The following SIPA1L2 variants were observed in gnomAD, a reference collection of about 807,000 sequenced individuals.
SIPA1L2 encodes signal-induced proliferation-associated 1-like protein 2.
Under a neutral mutation model 163.9 loss-of-function variants are expected in SIPA1L2, and 56 were observed. That is an observed-to-expected ratio of 0.34 (90% CI 0.28 to 0.43). SIPA1L2 has a LOEUF of 0.43. Among genes scored for constraint, SIPA1L2 ranks in the 20% least tolerant of loss-of-function variants. The probability of loss-of-function intolerance (pLI) is 1.00; values close to 1 mark genes in which losing one functional copy is unlikely to be tolerated. For synonymous variants in SIPA1L2, 877 were observed against 865.7 expected (o/e 1.01, Z -0.23); for missense variants, 1,974 against 2,193.5 (o/e 0.90, Z 2.00).
At chr1:232,572,869 C>T (rs1057233379) in intron 2 of SIPA1L2, among the ~76,000 whole-genome samples, 3 of 151,512 alleles carry the variant, frequency 2.0e-5, no homozygotes, top group African/African-American at 7.3e-5. Context: ...ACCTCCGCCT[C>T]CCAGGTTCAA....
At chr1:232,449,705 G>A (rs1663453845) in intron 10 of SIPA1L2, among the ~76,000 whole-genome samples, 1 of 148,014 alleles carries the variant, frequency 6.8e-6, no homozygotes, top group South Asian at 2.2e-4. Flanking sequence ...AGAGTACCGA[G>A]CCCAATGAAT....
chr1:232,481,323 AG>A (rs1665343778), intron 6 of SIPA1L2, among the ~76,000 whole-genome samples: 1 of 152,174 alleles, frequency 6.6e-6, no homozygotes, highest in African/African-American at 2.4e-5. Flanking sequence ...ACAAAACCAA[AG>A]GCTGGATGAT....
At chr1:232,613,773 A>C (rs1662370035) in intron 1 of SIPA1L2, among the ~76,000 whole-genome samples, 1 of 152,218 alleles carries the variant, frequency 6.6e-6, no homozygotes, top group African/African-American at 2.4e-5. Context: ...CAATTTAGGG[A>C]GCACAGAATA....
chr1:232,450,456 C>T (rs1406356245), intron 10 of SIPA1L2, among the ~76,000 whole-genome samples: 1 of 152,186 alleles, frequency 6.6e-6, no homozygotes, highest in African/African-American at 2.4e-5. Flanking sequence ...AGAAAACCTA[C>T]TTTTGTCTTC....
intron 5 of SIPA1L2, among the ~76,000 whole-genome samples, chr1:232,485,306 A>G (rs1019366004): frequency 5.3e-5 from 8 of 152,222 alleles, no homozygotes; most frequent in African/African-American, 1.2e-4. Context: ...GAGATCCCCA[A>G]CTGCATAGCG....
chr1:232,472,258 C>T (rs1486949080), intron 7 of SIPA1L2, among the ~76,000 whole-genome samples: 2 of 152,124 alleles, frequency 1.3e-5, no homozygotes, highest in Non-Finnish European at 2.9e-5. Flanking sequence ...TCTGTAGATC[C>T]CATTTCATCT....
intron 2 of SIPA1L2, among the ~76,000 whole-genome samples, chr1:232,571,202 A>C (rs1309583091): frequency 6.6e-6 from 1 of 152,234 alleles, no homozygotes; most frequent in African/African-American, 2.4e-5. Flanking sequence ...ATAAGCATGT[A>C]AACCTAACCT....
At chr1:232,602,478 A>C (rs913195923) in intron 1 of SIPA1L2, among the ~76,000 whole-genome samples, 2 of 152,094 alleles carry the variant, frequency 1.3e-5, no homozygotes, top group African/African-American at 4.8e-5. Flanking sequence ...TTACAGGTGC[A>C]CGCCACCATG....
intron 2 of SIPA1L2, among the ~76,000 whole-genome samples, chr1:232,554,398 TG>T (rs1658578120): frequency 1.3e-5 from 2 of 152,210 alleles, no homozygotes; most frequent in African/African-American, 4.8e-5. Flanking sequence ...GAAGGGATTA[TG>T]AAATAAAATA....
intron 2 of SIPA1L2, among the ~76,000 whole-genome samples, chr1:232,545,787 C>T (rs180800570): frequency 2.2e-4 from 34 of 152,166 alleles, no homozygotes; most frequent in Middle Eastern, 3.4e-3. Context: ...AGTATATATG[C>T]GATAATGTTC....
chr1:232,488,064 T>C (rs1359180838), intron 5 of SIPA1L2, among the ~76,000 whole-genome samples: 8 of 152,040 alleles, frequency 5.3e-5, no homozygotes, highest in Admixed American at 5.2e-4. Context: ...GTGATTCTCC[T>C]GCCTCAGCCT....
intron 2 of SIPA1L2, among the ~76,000 whole-genome samples, chr1:232,560,808 G>A (rs373345130): frequency 1.3e-5 from 2 of 152,184 alleles, no homozygotes; most frequent in Non-Finnish European, 2.9e-5. Flanking sequence ...CTGGAAAAAC[G>A]CCAAGATGTA....
intron 2 of SIPA1L2, among the ~76,000 whole-genome samples, chr1:232,551,822 A>G (rs1193345664): frequency 6.6e-6 from 1 of 152,228 alleles, no homozygotes; most frequent in East Asian, 1.9e-4. Flanking sequence ...CCATGAGAAC[A>G]ATAAGGTTAT....
At chr1:232,470,425 T>A (rs1373111549) in intron 8 of SIPA1L2, among the ~76,000 whole-genome samples, 1 of 152,144 alleles carries the variant, frequency 6.6e-6, no homozygotes, top group African/African-American at 2.4e-5. Context: ...TAAGATGGCT[T>A]GGGCATCTGT....
chr1:232,535,315 T>C (rs1321997047), intron 2 of SIPA1L2, among the ~76,000 whole-genome samples: 1 of 152,224 alleles, frequency 6.6e-6, no homozygotes, highest in East Asian at 1.9e-4. Flanking sequence ...TTTTCCTTCA[T>C]GAATGTCTGG....
intron 10 of SIPA1L2, among the ~76,000 whole-genome samples, chr1:232,449,294 G>A (rs542728815): frequency 6.6e-5 from 10 of 152,016 alleles, no homozygotes; most frequent in East Asian, 5.8e-4. Flanking sequence ...CGAGGTGGGC[G>A]GATCACGAGG....
At chr1:232,501,281 C>T (rs1017120609) in intron 3 of SIPA1L2, among the ~76,000 whole-genome samples, 3 of 152,050 alleles carry the variant, frequency 2.0e-5, no homozygotes, top group Non-Finnish European at 4.4e-5. Flanking sequence ...ATAGCACTAT[C>T]TGCATAGTAG....
At chr1:232,496,112 C>CA (rs1253253695) in intron 3 of SIPA1L2, among the ~76,000 whole-genome samples, 1 of 152,220 alleles carries the variant, frequency 6.6e-6, no homozygotes, top group Non-Finnish European at 1.5e-5. Flanking sequence ...ATCACTGACT[C>CA]ACGCAGAGCG....
chr1:232,545,294 T>C (rs945472110), intron 2 of SIPA1L2, among the ~76,000 whole-genome samples: 1 of 152,210 alleles, frequency 6.6e-6, no homozygotes, highest in African/African-American at 2.4e-5. Flanking sequence ...TTACTGACTA[T>C]ATGATTTCTA....
Sources: allele counts gnomAD v4.1 joint callset (sites outside exome capture counted in the v4.1 genomes callset), GRCh38; gene constraint gnomAD v4.1.1; transcripts MANE v1.5; gene names NCBI Gene and HGNC (gene_info 2026-07-23, HGNC 2026-07-21).